The following LRRC7 variants were observed in gnomAD, a reference collection of about 807,000 sequenced individuals.
LRRC7 encodes leucine rich repeat containing 7.
A neutral mutation model predicts 175.7 loss-of-function variants in LRRC7; 23 were observed. The observed-to-expected ratio is 0.13, with a 90% CI of 0.09 to 0.19. The LOEUF (loss-of-function observed/expected upper bound fraction) is 0.19. Ranked by LOEUF, LRRC7 falls within the 10% of genes least tolerant of loss-of-function variation. The pLI, the probability that LRRC7 is intolerant of heterozygous loss-of-function variation, is 1.00. For synonymous variants in LRRC7, 685 were observed against 680.9 expected (o/e 1.01, Z -0.09); for missense variants, 1,354 against 1,904.7 (o/e 0.71, Z 5.38).
At chr1:70,059,184 C>A (rs1482370162) in intron 23 of LRRC7, among the ~76,000 whole-genome samples, 1 of 152,152 alleles carries the variant, frequency 6.6e-6, no homozygotes, top group Non-Finnish European at 1.5e-5. Context: ...TCTTTCCACC[C>A]TGAGTGTCTG....
intron 2 of LRRC7, 144 bp downstream of exon 2, chr1:69,678,622 A>G: frequency 1.6e-6 from 1 of 608,320 alleles, no homozygotes. Flanking sequence ...AAGTTACCAT[A>G]TGTTACCTGA....
intron 2 of LRRC7, among the ~76,000 whole-genome samples, chr1:69,739,157 GACATAGAGAAAGA>G (rs1042658274): frequency 4.6e-5 from 7 of 151,992 alleles, no homozygotes; most frequent in African/African-American, 1.7e-4. Context: ...ATGCATAAAG[GACATAGAGAAAGA>G]AAATCAAGTT....
At chr1:69,735,749 C>CA (rs1668043298) in intron 2 of LRRC7, among the ~76,000 whole-genome samples, 2 of 151,978 alleles carry the variant, frequency 1.3e-5, no homozygotes, top group South Asian at 4.1e-4. Context: ...ATGGTATTAG[C>CA]ATTCTTTCAA....
At chr1:69,595,091 A>G (rs2100972854) in intron 1 of LRRC7, among the ~76,000 whole-genome samples, 1 of 152,242 alleles carries the variant, frequency 6.6e-6, no homozygotes, top group Non-Finnish European at 1.5e-5. Flanking sequence ...TAAACCTCAC[A>G]ACTGTGTTAT....
rs74087793 is a variant in LRRC7, at chr1:69,870,114, G to A, written c.647+31831G>A. Reference sequence around the variant, plus strand: ...GGCTCTAAATTCAGAGAGCAGTGGGGCAATGAATGAATGGTTGGTGAGGAA... The same window carrying A: ...GGCTCTAAATTCAGAGAGCAGTGGGACAATGAATGAATGGTTGGTGAGGAA... On this transcript the variant is annotated intron_variant, in intron 7 of 26. Coordinates refer to ENST00000651989, the MANE Select transcript of LRRC7 (RefSeq NM_001370785.2). 4.0e-3 allele frequency among the ~76,000 whole-genome samples: 602 copies of A among 152,244 alleles called. 4 individuals carry two copies. The highest frequency in any genetic ancestry group is 0.014 in the African/African-American group (567 of 41,546).
At chr1:69,820,846 G>A (rs1320052826) in intron 4 of LRRC7, among the ~76,000 whole-genome samples, 1 of 152,146 alleles carries the variant, frequency 6.6e-6, no homozygotes, top group Non-Finnish European at 1.5e-5. Flanking sequence ...CTTTATAGTA[G>A]AATGATTTAT....
intron 1 of LRRC7, among the ~76,000 whole-genome samples, chr1:69,639,089 A>G (rs565150757): frequency 6.6e-6 from 1 of 151,920 alleles, no homozygotes; most frequent in South Asian, 2.1e-4. Flanking sequence ...AAAGGAGGAA[A>G]ACTGATGGTC....
At chr1:69,945,531 T>A (rs1401719414) in intron 8 of LRRC7, among the ~76,000 whole-genome samples, 1 of 152,144 alleles carries the variant, frequency 6.6e-6, no homozygotes, top group African/African-American at 2.4e-5. Flanking sequence ...TTTTTATAAT[T>A]CTGTGGAAAA....
intron 3 of LRRC7, among the ~76,000 whole-genome samples, chr1:69,773,706 A>G (rs536467183): frequency 9.4e-4 from 143 of 152,298 alleles, no homozygotes; most frequent in African/African-American, 3.1e-3. Context: ...GAAATGCAAC[A>G]AAAGTTTACT....
intron 3 of LRRC7, among the ~76,000 whole-genome samples, chr1:69,769,843 A>T (rs572909393): frequency 1.3e-5 from 2 of 152,320 alleles, no homozygotes; most frequent in African/African-American, 4.8e-5. Context: ...ATGGCTATAG[A>T]TTACTATTTA....
intron 25 of LRRC7, among the ~76,000 whole-genome samples, chr1:70,103,869 T>G (rs544989440): frequency 1.3e-5 from 2 of 152,310 alleles, no homozygotes; most frequent in African/African-American, 4.8e-5. Context: ...AACAGCAGTT[T>G]TATGATAAAG....
chr1:69,570,790 T>C (rs1446499351), intron 1 of LRRC7, among the ~76,000 whole-genome samples: 2 of 152,172 alleles, frequency 1.3e-5, no homozygotes, highest in African/African-American at 4.8e-5. Context: ...GTAGGAATGA[T>C]TTTATGTTTC....
At position 70,122,538 on chromosome 1, in the gene LRRC7, C is replaced by T. The variant is rs1666266281; in HGVS notation, c.*651C>T. ...GTTCCATATTCATTTGCTAAATTCTCATGACACAGAGTGAAATATTTCATA... is the reference window on the plus strand; with the variant it reads ...GTTCCATATTCATTTGCTAAATTCTTATGACACAGAGTGAAATATTTCATA... On this transcript the variant is annotated 3_prime_UTR_variant, in exon 27 of 27. Transcript: ENST00000651989. The T allele has an allele frequency of 6.6e-6, 1 of 151,998 alleles. No individual in the cohort carries two copies. The highest frequency in any genetic ancestry group is 2.4e-5 in the African/African-American group (1 of 41,444). The allele number at this position is 151,998 out of a possible 1,614,324, so 9.4% of individuals were successfully genotyped here.
At chr1:69,742,559 G>A (rs1004740616) in intron 2 of LRRC7, among the ~76,000 whole-genome samples, 14 of 152,008 alleles carry the variant, frequency 9.2e-5, no homozygotes, top group Non-Finnish European at 1.3e-4. Flanking sequence ...ACACAGTTAT[G>A]TATGTAAATA....
chr1:69,737,342 G>C (rs1668231150), intron 2 of LRRC7, among the ~76,000 whole-genome samples: 1 of 152,034 alleles, frequency 6.6e-6, no homozygotes, highest in Non-Finnish European at 1.5e-5. Flanking sequence ...CCCTGCACAG[G>C]CTTTCTTGCC....
At chr1:69,981,445 T>C (rs1653418489) in intron 9 of LRRC7, among the ~76,000 whole-genome samples, 2 of 152,236 alleles carry the variant, frequency 1.3e-5, no homozygotes, top group African/African-American at 4.8e-5. Flanking sequence ...TATCAAAAGA[T>C]GCATTTTTAC....
intron 7 of LRRC7, among the ~76,000 whole-genome samples, chr1:69,899,160 C>T (rs1353118027): frequency 6.6e-6 from 1 of 152,184 alleles, no homozygotes; most frequent in Non-Finnish European, 1.5e-5. Flanking sequence ...AGCAGAAGCA[C>T]AAAGTCTTTG....
chr1:69,976,729 G>T (rs183235139), intron 8 of LRRC7, among the ~76,000 whole-genome samples: 1 of 152,020 alleles, frequency 6.6e-6, no homozygotes, highest in Non-Finnish European at 1.5e-5. Context: ...ACTTCTGGAC[G>T]CCATTCCTTC....
intron 17 of LRRC7, among the ~76,000 whole-genome samples, chr1:70,023,985 T>TG (rs1227938131): frequency 6.6e-6 from 1 of 151,822 alleles, no homozygotes; most frequent in East Asian, 1.9e-4. Context: ...AAGAGGTTAA[T>TG]GGGGGGAAAA....
Sources: allele counts gnomAD v4.1 joint callset (sites outside exome capture counted in the v4.1 genomes callset), GRCh38; gene constraint gnomAD v4.1.1; transcripts MANE v1.5; gene names NCBI Gene and HGNC (gene_info 2026-07-23, HGNC 2026-07-21).